GLMN: variants seen among roughly 807,000 people sequenced by gnomAD.
The protein encoded by GLMN is glomulin.
A neutral mutation model predicts 87.8 loss-of-function variants in GLMN; 75 were observed. The ratio of observed to expected loss-of-function variants is 0.85; its 90% CI spans 0.71 to 1.04. GLMN has a LOEUF of 1.04. GLMN is among the 50% of genes least tolerant of loss of function. The probability of loss-of-function intolerance (pLI) is 0.00; values close to 1 mark genes in which losing one functional copy is unlikely to be tolerated. For synonymous variants in GLMN, 206 were observed against 221.6 expected, an observed-to-expected ratio of 0.93 and a Z score of 0.63; for missense variants, 588 against 658.8, an observed-to-expected ratio of 0.89 and a Z score of 1.18.
At chr1:92,346,379 G>T in the GLMN span, among the ~76,000 whole-genome samples, 3 of 151,944 alleles carry the variant, frequency 2.0e-5, no homozygotes, top group Non-Finnish European at 2.9e-5. Flanking sequence ...GCCCAGGCTG[G>T]TCTTGAACTT....
chr1:92,367,393 T>C, the GLMN span, among the ~76,000 whole-genome samples: 1 of 152,256 alleles, frequency 6.6e-6, no homozygotes, highest in Non-Finnish European at 1.5e-5. Context: ...GGTATTATAA[T>C]ACCCATTTGT....
chr1:92,278,354 G>A (rs1179830501), intron 7 of GLMN, among the ~76,000 whole-genome samples: 1 of 152,088 alleles, frequency 6.6e-6, no homozygotes, highest in African/African-American at 2.4e-5. Context: ...GAGAAAACCC[G>A]TCACCTCTCC....
At chr1:92,261,717 A>G (rs928333690) in intron 16 of GLMN, among the ~76,000 whole-genome samples, 2 of 152,240 alleles carry the variant, frequency 1.3e-5, no homozygotes, top group Non-Finnish European at 2.9e-5. Context: ...AAGAAAAACT[A>G]CAGACAAATA....
At chr1:92,276,773 A>C (rs1647348453) in intron 7 of GLMN, among the ~76,000 whole-genome samples, 1 of 152,228 alleles carries the variant, frequency 6.6e-6, no homozygotes, top group Non-Finnish European at 1.5e-5. Context: ...TTAAAGACTT[A>C]CAGATGAATT....
intron 6 of GLMN, among the ~76,000 whole-genome samples, chr1:92,287,350 A>C (rs1648889340): frequency 6.6e-6 from 1 of 152,104 alleles, no homozygotes. Flanking sequence ...AAATGGTAAA[A>C]AACTTTTTTT....
At chr1:92,358,271 G>A in the GLMN span, among the ~76,000 whole-genome samples, 9 of 151,840 alleles carry the variant, frequency 5.9e-5, no homozygotes, top group East Asian at 5.8e-4. Context: ...CTCCCATTCC[G>A]GTCACTCTGA....
intron 13 of GLMN, among the ~76,000 whole-genome samples, chr1:92,265,722 G>A (rs914729061): frequency 3.9e-5 from 6 of 152,146 alleles, no homozygotes; most frequent in Admixed American, 3.9e-4. Flanking sequence ...GCTGCAGTGA[G>A]CCATGATCAC....
At chr1:92,299,068 TC>T (rs549228471), upstream of GLMN, 1,020 of 1,488,006 alleles carry the variant, frequency 6.9e-4, 1 homozygote, top group Middle Eastern at 3.0e-3. Flanking sequence ...CAGACTACTC[TC>T]CCCCATGGCG....
chr1:92,306,711 C>T, the GLMN span, among the ~76,000 whole-genome samples: 5 of 151,960 alleles, frequency 3.3e-5, no homozygotes, highest in Admixed American at 1.3e-4. Flanking sequence ...TGTGGTGGCA[C>T]GCCTGTAGTC....
At chr1:92,259,453 C>T (rs1042621133) in intron 16 of GLMN, among the ~76,000 whole-genome samples, 4 of 151,962 alleles carry the variant, frequency 2.6e-5, no homozygotes, top group Non-Finnish European at 4.4e-5. Flanking sequence ...GGAGGGCTTA[C>T]GAAGAGAATA....
intron 9 of GLMN, among the ~76,000 whole-genome samples, chr1:92,269,471 T>C (rs1570903573): frequency 2.0e-5 from 3 of 152,086 alleles, no homozygotes; most frequent in Admixed American, 1.3e-4. Flanking sequence ...GAAGAAACCT[T>C]AGAAACAGAT....
At chr1:92,337,849 A>G in the GLMN span, among the ~76,000 whole-genome samples, 1 of 152,108 alleles carries the variant, frequency 6.6e-6, no homozygotes, top group Admixed American at 6.5e-5. Context: ...TATTTTCTTT[A>G]ATGTTGTGAC....
At chr1:92,252,528 A>G (rs1392568904) in intron 16 of GLMN, among the ~76,000 whole-genome samples, 1 of 152,236 alleles carries the variant, frequency 6.6e-6, no homozygotes, top group South Asian at 2.1e-4. Flanking sequence ...TAATCATAAA[A>G]CTTCAGGTAA....
the GLMN span, among the ~76,000 whole-genome samples, chr1:92,317,916 C>G: frequency 6.6e-6 from 1 of 152,166 alleles, no homozygotes; most frequent in Non-Finnish European, 1.5e-5. Context: ...ACTTGGACCT[C>G]ATTCTTGTTT....
the GLMN span, chr1:92,323,760 TAGTC>T: frequency 4.3e-6 from 7 of 1,614,068 alleles, no homozygotes; most frequent in East Asian, 8.9e-5. Flanking sequence ...GCAAATTAGA[TAGTC>T]AGGAGAAAGA....
intron 7 of GLMN, among the ~76,000 whole-genome samples, chr1:92,285,309 T>C (rs12080525): frequency 0.017 from 2,537 of 152,272 alleles, 90 homozygotes; most frequent in African/African-American, 0.058. Flanking sequence ...TTCATGTCCT[T>C]TGCAGGGACA....
intron 16 of GLMN, among the ~76,000 whole-genome samples, chr1:92,257,838 A>G (rs1054164827): frequency 2.6e-5 from 4 of 152,236 alleles, no homozygotes; most frequent in African/African-American, 9.6e-5. Context: ...AATACCATTC[A>G]GGACATAGAC....
At chr1:92,342,968 C>G in the GLMN span, among the ~76,000 whole-genome samples, 1 of 152,138 alleles carries the variant, frequency 6.6e-6, no homozygotes, top group Non-Finnish European at 1.5e-5. Flanking sequence ...ATACAGAAAT[C>G]TAGAATTCAA....
chr1:92,368,345 C>T, the GLMN span, among the ~76,000 whole-genome samples: 2 of 152,148 alleles, frequency 1.3e-5, no homozygotes, highest in African/African-American at 4.8e-5. Flanking sequence ...TGCCACTGCA[C>T]TCTAGCCTGG....
Sources: gnomAD v4.1 joint callset for allele counts (sites outside exome capture counted in the v4.1 genomes callset) on GRCh38, gnomAD v4.1.1 for gene constraint, MANE v1.5 for transcripts, NCBI Gene and HGNC (gene_info 2026-07-23, HGNC 2026-07-21) for gene names.